MUC5AC: variants seen among roughly 807,000 people sequenced by gnomAD.
The protein encoded by MUC5AC is mucin 5AC, oligomeric mucus/gel-forming, also known as mucin-5AC.
In MUC5AC, 158 loss-of-function variants were observed where a neutral mutation model predicts 169.7. The ratio of observed to expected loss-of-function variants is 0.93; its 90% CI spans 0.82 to 1.06. MUC5AC has a LOEUF of 1.06. MUC5AC is among the 50% of genes least tolerant of loss of function. The probability of loss-of-function intolerance (pLI) is 0.00; values close to 1 mark genes in which losing one functional copy is unlikely to be tolerated. For synonymous variants in MUC5AC, 1,975 were observed against 1,237.0 expected (o/e 1.60, Z -12.52); for missense variants, 4,359 against 3,089.9 (o/e 1.41, Z -9.74).
In MUC5AC at chr11:1,160,697, T is replaced by A. The variant is rs753337375; in HGVS notation, c.151+8T>A. On this transcript the variant is annotated splice_region_variant and intron_variant, in intron 2 of 48. Transcript: ENST00000621226. The stretch of plus-strand genomic sequence containing the variant: ...TCGCCCGGGGGCCCAGCGGTGAGTC[T>A]GAGTGTCCGGCCCCCACCCTAAGCC... 19 of 1,606,966 alleles carry A rather than the reference T, an allele frequency of 1.2e-5. No individual in the cohort carries two copies. The South Asian group carries it at 1.9e-4, about 16-fold the overall frequency.
chr11:1,189,213 T>G lies in MUC5AC; in HGVS notation c.11068T>G (p.Ser3690Ala). The part of the protein sequence containing the change: ...TTPASIPSTT[S>A]APTTSTTSAP... ...CCCTGCTTCTATACCCAGCACAACC[T>G]CTGCCCCAACAACCAGCACAACCTC... The change falls in exon 31 of 49, where the codon TCT (serine) becomes GCT (alanine). Residue 3690 changes from serine to alanine, a missense_variant. Coordinates refer to ENST00000621226, the MANE Select transcript of MUC5AC (RefSeq NM_001304359.2). 5.0e-6 allele frequency: 3 copies of G among 597,152 alleles called. No homozygotes were observed. Among genetic ancestry groups the G allele is most frequent in the Non-Finnish European group, 3.0e-6 (1 of 335,576 alleles). 37.0% of individuals were successfully genotyped at this position (597,152 alleles called of 1,614,324 possible).
At chr11:1,159,622 G>A in intron 1 of MUC5AC, among the ~76,000 whole-genome samples, 1 of 136,186 alleles carries the variant, frequency 7.3e-6, no homozygotes, top group Non-Finnish European at 1.6e-5. Flanking sequence ...GCTGGGGTCT[G>A]GTCCCACCAT....
At chr11:1,162,712 C>T in intron 5 of MUC5AC, 66 bp downstream of exon 5, 1 of 1,466,506 alleles carries the variant, frequency 6.8e-7, no homozygotes, top group Non-Finnish European at 9.5e-7. Flanking sequence ...GCTCCCACAG[C>T]CTCTCCGGAG....
Position 1,185,842 on chromosome 11 carries a change from C to T in MUC5AC, c.7697C>T (p.Ser2566Phe), listed in dbSNP as rs1174043573. ...TTSATTTSTT[S>F]GPGTTPSPVP... ...TCTGCCACTACAACCAGCACAACCT[C>T]TGGTCCTGGAACTACTCCCAGCCCT... The change falls in exon 31 of 49, where the codon TCT becomes TTT. Residue 2566 changes from serine (S) to phenylalanine (F), a missense_variant. Transcript: ENST00000621226. The T allele has an allele frequency of 1.3e-6, 1 of 748,358 alleles. No individual in the cohort carries two copies. The highest frequency in any genetic ancestry group is 2.5e-5 in the East Asian group (1 of 40,418). The allele number at this position is 748,358 out of a possible 1,614,324, so 46.4% of individuals were successfully genotyped here. A position where few individuals can be genotyped will look rare whatever the true frequency, so the allele number is the denominator to read the frequency against.
chr11:1,199,822 T>C (rs754566889), intron 47 of MUC5AC, 33 bp from the exon 48 acceptor site: 2 of 746,494 alleles, frequency 2.7e-6, no homozygotes, highest in Non-Finnish European at 4.9e-6. Context: ...TAGGAGCAGC[T>C]GGGCTGGTCC....
chr11:1,169,272 C>A, intron 15 of MUC5AC: 1 of 704,080 alleles, frequency 1.4e-6, no homozygotes, highest in Non-Finnish European at 1.7e-6. Flanking sequence ...CAACATCCGC[C>A]CTGACCGCCT....
At chr11:1,197,441 G>T (rs571781729) in intron 40 of MUC5AC, 27 bp from the exon 41 acceptor site, 1 of 701,722 alleles carries the variant, frequency 1.4e-6, no homozygotes, top group Non-Finnish European at 2.6e-6. Flanking sequence ...CGCTGCGGAC[G>T]CTGGACCTCA....
chr11:1,193,508 C>G lies in MUC5AC; in HGVS notation c.14604C>G (p.Pro4868=). ...PRKKGETWAT[P]NCSEATCEGN... is the part of the protein sequence containing the mutation. ...AGAAAGGTGAGACCTGGGCCACACC[C>G]AACTGCTCCGAGGCCACCTGTGAGG... The change falls in exon 33 of 49, where the codon CCC becomes CCG. Residue 4868 remains proline, a synonymous_variant. Coordinates refer to ENST00000621226, the MANE Select transcript of MUC5AC (RefSeq NM_001304359.2). 1 of 751,268 alleles carries G rather than the reference C, an allele frequency of 1.3e-6. No homozygotes were observed. The highest frequency in any genetic ancestry group is 2.5e-5 in the East Asian group (1 of 40,308). The allele number at this position is 751,268 out of a possible 1,614,324, so 46.5% of individuals were successfully genotyped here.
In MUC5AC at chr11:1,180,110, C is replaced by A. The variant is rs1282728988; in HGVS notation, c.3573C>A (p.Asn1191Lys). 1.3e-5 allele frequency: 5 copies of A among 399,098 alleles called. No individual in the cohort carries two copies. Among genetic ancestry groups the A allele is most frequent in the Non-Finnish European group, 2.2e-5 (5 of 226,236 alleles). The allele number at this position is 399,098 out of a possible 1,614,324, so 24.7% of individuals were successfully genotyped here. A position where few individuals can be genotyped will look rare whatever the true frequency, so the allele number is the denominator to read the frequency against. ...TGCCCTGCCTGCGCACCTGCCGGAACCCCCGTGGAGACTGCCTGCGGGACG... is the reference window on the plus strand; with the variant it reads ...TGCCCTGCCTGCGCACCTGCCGGAAACCCCGTGGAGACTGCCTGCGGGACG... Reference protein sequence around the residue: ...CGVPCLRTCRNPRGDCLRDVR... With the variant: ...CGVPCLRTCRKPRGDCLRDVR... The change falls in exon 27 of 49, where the codon AAC becomes AAA. Residue 1191 changes from asparagine to lysine, a missense_variant. By Grantham distance (94) the Asn-to-Lys change is moderately conservative. Transcript: ENST00000621226.
Position 1,185,047 on chromosome 11 carries a change from CCTCTG to C in MUC5AC, c.6903_6907del (p.Gly2303TrpfsTer19). The C allele has an allele frequency of 1.9e-6, 1 of 519,090 alleles. No homozygotes were observed. The allele number at this position is 519,090 out of a possible 1,614,324, so 32.2% of individuals were successfully genotyped here. A position where few individuals can be genotyped will look rare whatever the true frequency, so the allele number is the denominator to read the frequency against. Reference sequence around the variant, plus strand: ...ACCTCTGCCTCTCCAGCCAGCACAACCTCTGGTCCTGGAAATACTCCCAGCCCTGT... The same window carrying C: ...ACCTCTGCCTCTCCAGCCAGCACAACGTCCTGGAAATACTCCCAGCCCTGT... On this transcript the variant is annotated frameshift_variant, in exon 31 of 49. Transcript: ENST00000621226. LOFTEE classifies it high-confidence loss of function.
intron 46 of MUC5AC, 92 bp downstream of exon 46, chr11:1,199,582 C>A (rs1276238955): frequency 4.3e-6 from 3 of 691,726 alleles, no homozygotes; most frequent in South Asian, 1.5e-5. Context: ...CCAGCAGACA[C>A]CCCCTCCTGC....
intron 33 of MUC5AC, 35 bp downstream of exon 33, chr11:1,193,694 G>T: frequency 1.3e-6 from 1 of 754,796 alleles, no homozygotes; most frequent in Non-Finnish European, 2.4e-6. Context: ...CAGGGCAGCC[G>T]GGGCAGCCAC....
chr11:1,193,728 G>A (rs555721824), intron 33 of MUC5AC, 69 bp downstream of exon 33: 8 of 738,728 alleles, frequency 1.1e-5, no homozygotes, highest in Admixed American at 1.7e-5. Context: ...GGAAATGGGC[G>A]GGGCAGAGGA....
At position 1,192,408 on chromosome 11, in the gene MUC5AC, A is replaced by ATGGTATCCGCCTCCG; in HGVS notation, c.14267_14281dup (p.Val4756_Val4760dup). On this transcript the variant is annotated inframe_insertion, in exon 31 of 49. Transcript: ENST00000621226. The stretch of plus-strand genomic sequence containing the variant: ...TCTGTATCCTTCCCTGTCTACTTCC[A>ATGGTATCCGCCTCCG]TGGTATCCGCCTCCGTGGCATCCAC... 1.3e-6 allele frequency: 1 copy of ATGGTATCCGCCTCCG among 765,028 alleles called. No homozygotes were observed. Among genetic ancestry groups the ATGGTATCCGCCTCCG allele is most frequent in the Non-Finnish European group, 2.4e-6 (1 of 417,868 alleles). 47.4% of individuals were successfully genotyped at this position (765,028 alleles called of 1,614,324 possible).
intron 26 of MUC5AC, among the ~76,000 whole-genome samples, chr11:1,179,739 T>G (rs1860770178): frequency 1.3e-5 from 2 of 151,810 alleles, no homozygotes; most frequent in Non-Finnish European, 2.9e-5. Flanking sequence ...GGTAGAACGT[T>G]CTGGGCAGTG....
chr11:1,200,377 C>T (rs576612489), intron 48 of MUC5AC, 61 bp from the exon 49 acceptor site: 201 of 629,200 alleles, frequency 3.2e-4, no homozygotes, highest in Non-Finnish European at 4.7e-4. Flanking sequence ...GGCACGGCGC[C>T]GGCTTACGGC....
In MUC5AC at chr11:1,186,280, C is replaced by T. The variant is rs1860943369; in HGVS notation, c.8135C>T (p.Pro2712Leu). ...CCCACCACCAGCACAACCTCTGCTC[C>T]CACAACAAGCACAACCTCTGCCCCT... ...PVPTTSTTSA[P>L]TTSTTSAPTT... The change falls in exon 31 of 49, where the codon CCC (proline) becomes CTC (leucine). Residue 2712 changes from proline (P) to leucine (L), a missense_variant. Physicochemically the swap from Pro to Leu is moderately conservative, Grantham distance 98. Coordinates refer to ENST00000621226, the MANE Select transcript of MUC5AC (RefSeq NM_001304359.2). The T allele has an allele frequency of 1.4e-6, 1 of 735,872 alleles. No homozygotes were observed. Among genetic ancestry groups the T allele is most frequent in the Non-Finnish European group, 2.5e-6 (1 of 403,496 alleles). The allele number at this position is 735,872 out of a possible 1,614,324, so 45.6% of individuals were successfully genotyped here.
rs370628412 is a variant in MUC5AC at position 1,163,327 on chromosome 11, C to A, written c.679+282C>A. Among the ~76,000 whole-genome samples the A allele has an allele frequency of 1.8e-4, 27 of 152,358 alleles. 1 individual carries two copies. Among genetic ancestry groups the A allele is most frequent in the African/African-American group, 6.3e-4 (26 of 41,584 alleles). On this transcript the variant is annotated intron_variant, in intron 6 of 48. Transcript: ENST00000621226. ...GCACGCCCTCTCCTGAAATGACAGA[C>A]CTGCCTCCTTCTTGGTCTTTGAGTC...
intron 46 of MUC5AC, 48 bp from the exon 47 acceptor site, chr11:1,199,647 G>C: frequency 1.4e-6 from 1 of 700,848 alleles, no homozygotes; most frequent in East Asian, 2.7e-5. Flanking sequence ...CACTTCTGTG[G>C]GGGCCGCCGA....
Sources: allele counts gnomAD v4.1 joint callset (sites outside exome capture counted in the v4.1 genomes callset), GRCh38; gene constraint gnomAD v4.1.1; transcripts MANE v1.5; gene names NCBI Gene and HGNC (gene_info 2026-07-23, HGNC 2026-07-21).